RDM1: variants seen among roughly 807,000 people sequenced by gnomAD.
RDM1 encodes RAD52 motif-containing protein 1.
Under a neutral mutation model 27.7 loss-of-function variants are expected in RDM1, and 28 were observed. That is an observed-to-expected ratio of 1.01 (90% confidence interval 0.75 to 1.39). The LOEUF is 1.39. Among genes scored for constraint, RDM1 ranks in the 40% most tolerant of loss-of-function variants. The probability of loss-of-function intolerance (pLI) is 0.00; values close to 1 mark genes in which losing one functional copy is unlikely to be tolerated. For missense variants in RDM1, 277 were observed against 337.3 expected, an observed-to-expected ratio of 0.82 and a Z score of 1.40; for synonymous variants, 124 against 127.5, an observed-to-expected ratio of 0.97 and a Z score of 0.19.
intron 6 of RDM1, among the ~76,000 whole-genome samples, chr17:35,919,297 C>A (rs771033452): frequency 2.0e-4 from 31 of 152,134 alleles, no homozygotes; most frequent in Non-Finnish European, 3.8e-4. Flanking sequence ...AATTTAGAAA[C>A]TTAATCCCTA....
At chr17:35,927,870 TG>T (rs1283491117) in intron 2 of RDM1, among the ~76,000 whole-genome samples, 1 of 152,244 alleles carries the variant, frequency 6.6e-6, no homozygotes, top group Non-Finnish European at 1.5e-5. Flanking sequence ...TAATCTTAGT[TG>T]TACCTTTATA....
At chr17:35,930,297 A>G (rs768701786) in intron 1 of RDM1, 42 bp from the exon 2 acceptor site, 2 of 1,613,620 alleles carry the variant, frequency 1.2e-6, no homozygotes, top group Non-Finnish European at 1.7e-6. Flanking sequence ...TCTCACGCCC[A>G]GAAAACAAAA....
intron 4 of RDM1, among the ~76,000 whole-genome samples, chr17:35,923,644 C>T (rs562655050): frequency 1.3e-5 from 2 of 152,128 alleles, no homozygotes; most frequent in South Asian, 2.1e-4. Flanking sequence ...GCCTGGGCGA[C>T]TGAGTGAGGC....
chr17:35,926,650 C>T (rs773635512), intron 2 of RDM1, among the ~76,000 whole-genome samples: 7 of 152,042 alleles, frequency 4.6e-5, no homozygotes, highest in Non-Finnish European at 8.8e-5. Context: ...GTGATCTGCC[C>T]GCCTCGGCCT....
At chr17:35,921,179 AGT>A (rs1164346332) in intron 5 of RDM1, among the ~76,000 whole-genome samples, 1 of 152,244 alleles carries the variant, frequency 6.6e-6, no homozygotes, top group Non-Finnish European at 1.5e-5. Context: ...AGAAGTTTTC[AGT>A]GTGTGCAAGA....
At position 35,924,775 on chromosome 17, in the gene RDM1, G is replaced by T; in HGVS notation, c.400-3C>A. The T allele has an allele frequency of 6.2e-7, 1 of 1,613,196 alleles. No homozygotes were observed. The highest frequency in any genetic ancestry group is 8.5e-7 in the Non-Finnish European group (1 of 1,179,324). On this transcript the variant is annotated splice_region_variant and splice_polypyrimidine_tract_variant and intron_variant, in intron 3 of 6. Coordinates refer to ENST00000620284, the MANE Select transcript of RDM1 (RefSeq NM_145654.4). ...TCAAGGTCAGAAAGCTCCTGAAGCT[G>T]TAAGGATATTTAATGTAAGGTCCTT...
intron 4 of RDM1, 136 bp downstream of exon 4, chr17:35,924,468 T>C (rs2089061378): frequency 1.0e-5 from 9 of 857,322 alleles, no homozygotes; most frequent in Non-Finnish European, 1.6e-5. Context: ...AGAAAAACTC[T>C]GCCCAGGACT....
At chr17:35,930,352 G>A in intron 1 of RDM1, 97 bp from the exon 2 acceptor site, 1 of 1,509,490 alleles carries the variant, frequency 6.6e-7, no homozygotes, top group Non-Finnish European at 9.1e-7. Flanking sequence ...CGCGAAGGAT[G>A]CGATTCAAAA....
At chr17:35,926,477 C>T (rs905174569) in intron 2 of RDM1, among the ~76,000 whole-genome samples, 2 of 152,074 alleles carry the variant, frequency 1.3e-5, no homozygotes, top group Non-Finnish European at 2.9e-5. Flanking sequence ...GATCTTGGCT[C>T]ACTGCAAGCT....
chr17:35,925,101 T>A (rs989738642), intron 3 of RDM1, among the ~76,000 whole-genome samples: 1 of 151,820 alleles, frequency 6.6e-6, no homozygotes, highest in Non-Finnish European at 1.5e-5. Context: ...GCCACTGCAC[T>A]CCAGCCTGAT....
intron 6 of RDM1, among the ~76,000 whole-genome samples, chr17:35,919,714 A>G (rs2088872510): frequency 6.6e-6 from 1 of 152,240 alleles, no homozygotes; most frequent in Non-Finnish European, 1.5e-5. Context: ...TAACTGATTT[A>G]CAGAAAGATC....
At chr17:35,920,380 G>T in intron 5 of RDM1, 108 bp from the exon 6 acceptor site, 4 of 433,832 alleles carry the variant, frequency 9.2e-6, no homozygotes, top group Admixed American at 3.9e-5. Flanking sequence ...TCTAAAAGCA[G>T]AAAATAAGAG....
At chr17:35,920,126 G>GC (rs1200023239) in intron 6 of RDM1, 61 bp downstream of exon 6, 1 of 827,086 alleles carries the variant, frequency 1.2e-6, no homozygotes, top group East Asian at 2.6e-5. Flanking sequence ...AAATTATGCT[G>GC]CTTTTTTTTG....
At position 35,926,767 on chromosome 17, in the gene RDM1, A is replaced by C. The variant is rs149736819; in HGVS notation, c.277-1130T>G. ...TCTATCACTGGTTTATAAGCTCCTTAAGTCCCAGATGAAACCATAGCTTAT... is the reference window on the plus strand; with the variant it reads ...TCTATCACTGGTTTATAAGCTCCTTCAGTCCCAGATGAAACCATAGCTTAT... On this transcript the variant is annotated intron_variant, in intron 2 of 6. Transcript: ENST00000620284. Among the ~76,000 whole-genome samples the C allele has an allele frequency of 2.8e-3, 430 of 152,288 alleles. 1 individual carries two copies. The highest frequency in any genetic ancestry group is 9.7e-3 in the African/African-American group (405 of 41,566).
chr17:35,927,657 G>A (rs1294079910), intron 2 of RDM1, among the ~76,000 whole-genome samples: 1 of 151,876 alleles, frequency 6.6e-6, no homozygotes, highest in Non-Finnish European at 1.5e-5. Context: ...GTAACTGAAA[G>A]CTTTGAGTTT....
chr17:35,930,521 G>A, intron 1 of RDM1, 111 bp downstream of exon 1: 1 of 1,048,978 alleles, frequency 9.5e-7, no homozygotes, highest in Admixed American at 2.6e-5. Context: ...ATAATTAAGA[G>A]TCCTTCAGCG....
intron 5 of RDM1, among the ~76,000 whole-genome samples, chr17:35,920,917 G>C (rs1156411152): frequency 2.0e-5 from 3 of 152,156 alleles, no homozygotes; most frequent in Non-Finnish European, 2.9e-5. Flanking sequence ...ATCAGATGGG[G>C]GTCAAAGCAA....
chr17:35,923,699 C>G (rs1262696330), intron 4 of RDM1, among the ~76,000 whole-genome samples: 1 of 152,050 alleles, frequency 6.6e-6, no homozygotes, highest in Non-Finnish European at 1.5e-5. Flanking sequence ...AATCTGGCTC[C>G]TCCCTGGGCA....
At chr17:35,920,342 C>A in intron 5 of RDM1, 70 bp from the exon 6 acceptor site, 3 of 707,672 alleles carry the variant, frequency 4.2e-6, no homozygotes. Flanking sequence ...ATAATGGTAG[C>A]ACCCCATGAT....
Sources: allele counts gnomAD v4.1 joint callset (sites outside exome capture counted in the v4.1 genomes callset), GRCh38; gene constraint gnomAD v4.1.1; transcripts MANE v1.5; gene names NCBI Gene and HGNC (gene_info 2026-07-23, HGNC 2026-07-21).